The following CATSPERT variants were observed in gnomAD, a reference collection of about 807,000 sequenced individuals.
CATSPERT encodes the protein cation channel sperm-associated targeting subunit tau.
the CATSPERT span, chr2:201,492,861 A>G: frequency 8.5e-6 from 13 of 1,536,592 alleles, no homozygotes; most frequent in Non-Finnish European, 1.0e-5. Flanking sequence ...GTCTTTCTAC[A>G]AGGTAATGCT....
chr2:201,573,634 T>C, the CATSPERT span, among the ~76,000 whole-genome samples: 2 of 152,192 alleles, frequency 1.3e-5, no homozygotes, highest in Admixed American at 1.3e-4. Context: ...AACATGTATG[T>C]GTACACACAA....
At chr2:201,491,992 A>C in the CATSPERT span, 1 of 1,537,024 alleles carries the variant, frequency 6.5e-7, no homozygotes, top group South Asian at 1.2e-5. Context: ...AGAAGGTTGT[A>C]CTTTGATTAA....
the CATSPERT span, among the ~76,000 whole-genome samples, chr2:201,580,233 A>T: frequency 6.6e-6 from 1 of 152,206 alleles, no homozygotes; most frequent in South Asian, 2.1e-4. Flanking sequence ...ATGTTAAGTT[A>T]TCCACAATTC....
the CATSPERT span, among the ~76,000 whole-genome samples, chr2:201,604,149 G>C: frequency 2.0e-5 from 3 of 151,268 alleles, no homozygotes; most frequent in Non-Finnish European, 4.4e-5. Context: ...GTGTGTATGT[G>C]TGTGTGTGTG....
chr2:201,592,154 C>T, the CATSPERT span, among the ~76,000 whole-genome samples: 12 of 152,084 alleles, frequency 7.9e-5, no homozygotes, highest in African/African-American at 2.2e-4. Context: ...TTTTGAAATA[C>T]GTCAATACCT....
the CATSPERT span, among the ~76,000 whole-genome samples, chr2:201,613,462 A>G: frequency 6.6e-6 from 1 of 152,202 alleles, no homozygotes; most frequent in South Asian, 2.1e-4. Context: ...ACCTCCAGCA[A>G]ACTCCAACAG....
the CATSPERT span, chr2:201,554,274 A>G: frequency 1.6e-4 from 25 of 152,258 alleles, no homozygotes; most frequent in African/African-American, 6.0e-4. Context: ...CATAATACCT[A>G]TCATTTTACT....
At chr2:201,552,182 C>G in the CATSPERT span, among the ~76,000 whole-genome samples, 1 of 140,058 alleles carries the variant, frequency 7.1e-6, no homozygotes, top group Admixed American at 7.6e-5. Context: ...TGAGGTTTCA[C>G]CATGTTGCCC....
At chr2:201,525,949 T>C in the CATSPERT span, among the ~76,000 whole-genome samples, 1 of 151,956 alleles carries the variant, frequency 6.6e-6, no homozygotes. Context: ...ACCATTGGTG[T>C]GTTCCAAAAT....
chr2:201,567,717 G>A, the CATSPERT span, among the ~76,000 whole-genome samples: 4 of 152,202 alleles, frequency 2.6e-5, no homozygotes, highest in African/African-American at 9.6e-5. Flanking sequence ...GTTGGATAAG[G>A]CCCACCCACA....
the CATSPERT span, among the ~76,000 whole-genome samples, chr2:201,593,372 T>C: frequency 6.6e-6 from 1 of 151,966 alleles, no homozygotes; most frequent in African/African-American, 2.4e-5. Context: ...TCTGTTCTTT[T>C]ACATTTGCTG....
At chr2:201,554,908 A>C in the CATSPERT span, 1 of 152,138 alleles carries the variant, frequency 6.6e-6, no homozygotes, top group African/African-American at 2.4e-5. Flanking sequence ...TACTCATTAC[A>C]CTTTTTAATA....
At chr2:201,537,316 T>C in the CATSPERT span, 1 of 784,520 alleles carries the variant, frequency 1.3e-6, no homozygotes. Flanking sequence ...ATAGAAACCA[T>C]AAAACAACTG....
At chr2:201,525,199 C>A in the CATSPERT span, among the ~76,000 whole-genome samples, 1 of 152,060 alleles carries the variant, frequency 6.6e-6, no homozygotes, top group Non-Finnish European at 1.5e-5. Context: ...CTAAAATTGG[C>A]CACACAACCA....
At chr2:201,563,540 C>T in the CATSPERT span, among the ~76,000 whole-genome samples, 3 of 151,840 alleles carry the variant, frequency 2.0e-5, no homozygotes, top group Non-Finnish European at 4.4e-5. Flanking sequence ...TAGGGGCGGC[C>T]GGGCAGAGGC....
the CATSPERT span, among the ~76,000 whole-genome samples, chr2:201,589,988 A>C: frequency 3.3e-5 from 5 of 151,504 alleles, no homozygotes; most frequent in Non-Finnish European, 7.4e-5. Context: ...TTATTTATTT[A>C]TTTATTATTA....
chr2:201,551,479 A>C, the CATSPERT span, among the ~76,000 whole-genome samples: 2 of 152,216 alleles, frequency 1.3e-5, no homozygotes, highest in African/African-American at 4.8e-5. Context: ...TTTGCAATTG[A>C]GAGAAATGCA....
chr2:201,558,090 C>T, the CATSPERT span: 6 of 152,302 alleles, frequency 3.9e-5, no homozygotes, highest in South Asian at 6.2e-4. Flanking sequence ...TTACACTTAT[C>T]GCCACCTCCC....
chr2:201,535,790 A>T, the CATSPERT span: 2 of 1,367,076 alleles, frequency 1.5e-6, no homozygotes, highest in Non-Finnish European at 1.9e-6. Flanking sequence ...AAAATAGATT[A>T]TTTTGTCTCC....
Sources: allele counts gnomAD v4.1 joint callset (sites outside exome capture counted in the v4.1 genomes callset), GRCh38; gene constraint gnomAD v4.1.1; transcripts MANE v1.5; gene names NCBI Gene and HGNC (gene_info 2026-07-23, HGNC 2026-07-21).